The following TPT1 variants were observed in gnomAD, a reference collection of about 807,000 sequenced individuals.
TPT1 encodes translationally-controlled tumor protein.
Under a neutral mutation model 22.8 loss-of-function variants are expected in TPT1, and 5 were observed. The observed-to-expected ratio is 0.22, with a 90% CI of 0.11 to 0.46. The LOEUF is 0.46. TPT1 is among the 20% of genes least tolerant of loss of function. TPT1 has a pLI of 0.99. For synonymous variants in TPT1, 89 were observed against 73.6 expected, an observed-to-expected ratio of 1.21 and a Z score of -1.07; for missense variants, 130 against 218.7, an observed-to-expected ratio of 0.59 and a Z score of 2.56.
In TPT1 at chr13:45,336,527, T is replaced by G. The variant is rs1240382404; in HGVS notation, c.*859A>C. 6.6e-6 allele frequency: 1 copy of G among 152,196 alleles called. No individual in the cohort carries two copies. The highest frequency in any genetic ancestry group is 1.5e-5 in the Non-Finnish European group (1 of 68,048). 9.4% of individuals were successfully genotyped at this position (152,196 alleles called of 1,614,324 possible). The stretch of plus-strand genomic sequence containing the variant: ...CCTTTGCCCACCAGCCAGCCCACAT[T>G]CTGTGTACCTTCATCTTTTAAATCA... On this transcript the variant is annotated 3_prime_UTR_variant, in exon 6 of 6. Coordinates refer to ENST00000530705, the MANE Select transcript of TPT1 (RefSeq NM_003295.4).
At chr13:45,340,919 C>T in intron 1 of TPT1, 123 bp downstream of exon 1, 1 of 1,515,020 alleles carries the variant, frequency 6.6e-7, no homozygotes, top group Non-Finnish European at 8.9e-7. Context: ...CGGGCACCGA[C>T]CCCTCCGCGC....
chr13:45,338,154 C>T (rs1439094545), intron 5 of TPT1: 2 of 161,258 alleles, frequency 1.2e-5, no homozygotes, highest in African/African-American at 2.4e-5. Flanking sequence ...CAGCACCTCA[C>T]TCTGTCACCC....
At position 45,335,288 on chromosome 13, in the gene TPT1, AT is replaced by A. The variant is rs1878601215; in HGVS notation, c.*2097del. The A allele has an allele frequency of 6.6e-6, 1 of 152,218 alleles. No individual in the cohort carries two copies. Among genetic ancestry groups the A allele is most frequent in the African/African-American group, 2.4e-5 (1 of 41,450 alleles). The allele number at this position is 152,218 out of a possible 1,614,324, so 9.4% of individuals were successfully genotyped here. A position where few individuals can be genotyped will look rare whatever the true frequency, so the allele number is the denominator to read the frequency against. On this transcript the variant is annotated 3_prime_UTR_variant, in exon 6 of 6. Coordinates refer to ENST00000530705, the MANE Select transcript of TPT1 (RefSeq NM_003295.4). ...ATCACTTCTGACTTAAATAGACATG[AT>A]AAAATGCTATGTCCCAGCCTTGATT...
At position 45,336,420 on chromosome 13, in the gene TPT1, CT is replaced by C. The variant is rs1247341278; in HGVS notation, c.*965del. ...TGGAAACCATAGCAGCAGATAGCAA[CT>C]GCTCCAGGTCTGTCAAATAGATGCA... On this transcript the variant is annotated 3_prime_UTR_variant, in exon 6 of 6. Transcript: ENST00000530705. 1.3e-5 allele frequency: 2 copies of C among 152,224 alleles called. No homozygotes were observed. The highest frequency in any genetic ancestry group is 4.8e-5 in the African/African-American group (2 of 41,460). The allele number at this position is 152,224 out of a possible 1,614,324, so 9.4% of individuals were successfully genotyped here. A position where few individuals can be genotyped will look rare whatever the true frequency, so the allele number is the denominator to read the frequency against.
rs753487309 is a variant in TPT1 at position 45,334,555 on chromosome 13, T to C, written c.*2831A>G. On this transcript the variant is annotated 3_prime_UTR_variant, in exon 6 of 6. Coordinates refer to ENST00000530705, the MANE Select transcript of TPT1 (RefSeq NM_003295.4). The stretch of plus-strand genomic sequence containing the variant: ...TTTCTTCCAAACGCTCAGACCAAAA[T>C]ACTTGTATCAACATTAAATCCATCC... 24 of 152,188 alleles carry C rather than the reference T, an allele frequency of 1.6e-4. No homozygotes were observed. The highest frequency in any genetic ancestry group is 2.2e-4 in the Non-Finnish European group (15 of 68,032). 9.4% of individuals were successfully genotyped at this position (152,188 alleles called of 1,614,324 possible).
chr13:45,340,730 G>A lies in TPT1; in HGVS notation c.84C>T (p.Cys28=), dbSNP rs770931829. The A allele has an allele frequency of 2.0e-6, 3 of 1,527,790 alleles. No homozygotes were observed. The highest frequency in any genetic ancestry group is 2.2e-5 in the Admixed American group (1 of 45,240). 94.6% of individuals were successfully genotyped at this position (1,527,790 alleles called of 1,614,324 possible). A position where few individuals can be genotyped will look rare whatever the true frequency, so the allele number is the denominator to read the frequency against. Residue 28 remains cysteine (C), a synonymous_variant, in exon 2 of 6, where the codon TGC becomes TGT. Coordinates refer to ENST00000530705, the MANE Select transcript of TPT1 (RefSeq NM_003295.4). ...YKIREIADGL[C]LEVEGKMVSR... ...GACTCACCTTCCCCTCCACCTCCAGGCACAACCCGTCCGCGATCTCCCGGA... is the reference window on the plus strand; with the variant it reads ...GACTCACCTTCCCCTCCACCTCCAGACACAACCCGTCCGCGATCTCCCGGA...
At position 45,340,084 on chromosome 13, in the gene TPT1, G is replaced by C. The variant is rs1252904638; in HGVS notation, c.203C>G (p.Thr68Ser). ...EGEGTESTVI[T>S]GVDIVMNHHL... ...ATGGTTCATGACAATATCGACACCA[G>C]TGATTACTGTGCTTTCGGTACCTTC... Residue 68 changes from threonine (T) to serine (S), a missense_variant, in exon 3 of 6, where the codon ACT (threonine) becomes AGT (serine). Transcript: ENST00000530705. 1.9e-6 allele frequency: 3 copies of C among 1,614,210 alleles called. No homozygotes were observed. Among genetic ancestry groups the C allele is most frequent in the Non-Finnish European group, 1.7e-6 (2 of 1,180,034 alleles).
At chr13:45,337,802 C>T (rs980632247) in intron 5 of TPT1, among the ~76,000 whole-genome samples, 5 of 152,136 alleles carry the variant, frequency 3.3e-5, no homozygotes, top group East Asian at 1.9e-4. Flanking sequence ...TGTTTTTCTT[C>T]TTCCTTATAC....
At chr13:45,340,814 C>T (rs1879063348) in intron 1 of TPT1, 29 bp from the exon 2 acceptor site, 3 of 1,508,390 alleles carry the variant, frequency 2.0e-6, no homozygotes, top group East Asian at 4.6e-5. Context: ...CGCCCATCAC[C>T]GTGCGCCTGG....
intron 3 of TPT1, 68 bp downstream of exon 3, chr13:45,339,926 A>T: frequency 6.4e-7 from 1 of 1,559,090 alleles, no homozygotes; most frequent in South Asian, 1.2e-5. Context: ...AAAGAACCTC[A>T]AAAGTTAGCC....
At position 45,340,516 on chromosome 13, in the gene TPT1, AG is replaced by A. The variant is rs1236418345; in HGVS notation, c.102+195del. On this transcript the variant is annotated intron_variant, in intron 2 of 5. Coordinates refer to ENST00000530705, the MANE Select transcript of TPT1 (RefSeq NM_003295.4). ...TCATGTCCCGGACAACCCCGGGAGGAGGATGGGCGCCGAGGCGGCGGGCCTA... is the reference window on the plus strand; with the variant it reads ...TCATGTCCCGGACAACCCCGGGAGGAGATGGGCGCCGAGGCGGCGGGCCTA... The A allele has an allele frequency of 7.7e-6, 6 of 780,834 alleles. No individual in the cohort carries two copies. The African/African-American group carries it at 1.0e-4, about 13-fold the overall frequency. The allele number at this position is 780,834 out of a possible 1,614,324, so 48.4% of individuals were successfully genotyped here.
intron 5 of TPT1, among the ~76,000 whole-genome samples, chr13:45,338,014 C>CCACT (rs764638757): frequency 6.6e-6 from 1 of 152,138 alleles, no homozygotes; most frequent in Non-Finnish European, 1.5e-5. Flanking sequence ...AAAGTGAAAA[C>CCACT]CACTGATACT....
chr13:45,337,174 A>C lies in TPT1; in HGVS notation c.*212T>G. Reference sequence around the variant, plus strand: ...GCATTAAACTAAAAGGCATTCTCTCAAATGAGTTTAAATGCATTTTATTTT... The same window carrying C: ...GCATTAAACTAAAAGGCATTCTCTCCAATGAGTTTAAATGCATTTTATTTT... On this transcript the variant is annotated 3_prime_UTR_variant, in exon 6 of 6. Transcript: ENST00000530705. 1.6e-6 allele frequency: 1 copy of C among 608,274 alleles called. No homozygotes were observed. The highest frequency in any genetic ancestry group is 2.9e-6 in the Non-Finnish European group (1 of 342,614). 37.7% of individuals were successfully genotyped at this position (608,274 alleles called of 1,614,324 possible). A position where few individuals can be genotyped will look rare whatever the true frequency, so the allele number is the denominator to read the frequency against.
intron 4 of TPT1, 79 bp from the exon 5 acceptor site, chr13:45,338,855 G>A: frequency 3.2e-6 from 4 of 1,245,068 alleles, no homozygotes; most frequent in South Asian, 1.5e-5. Flanking sequence ...ACAGTACAAG[G>A]GAAGGTTTAG....
chr13:45,337,501 C>A lies in TPT1; in HGVS notation c.517-113G>T, dbSNP rs779305277. The A allele has an allele frequency of 1.9e-6, 3 of 1,614,032 alleles. No individual in the cohort carries two copies. The Admixed American group carries it at 5.0e-5, about 27-fold the overall frequency. Reference sequence around the variant, plus strand: ...CTAAAGATGTATTCCCCAATTCAATCTGGGCCGCCACAAAGACAGACAGAA... The same window carrying A: ...CTAAAGATGTATTCCCCAATTCAATATGGGCCGCCACAAAGACAGACAGAA... On this transcript the variant is annotated intron_variant, in intron 5 of 5. Coordinates refer to ENST00000530705, the MANE Select transcript of TPT1 (RefSeq NM_003295.4).
Position 45,337,580 on chromosome 13 carries a change from A to C in TPT1, c.517-192T>G, listed in dbSNP as rs746681115. 5.6e-6 allele frequency: 9 copies of C among 1,605,762 alleles called. No individual in the cohort carries two copies. The South Asian group carries it at 7.7e-5, about 14-fold the overall frequency. The stretch of plus-strand genomic sequence containing the variant: ...TAGTGCAAACCAAAAGAACAACAGT[A>C]AATTGTTCAAGGTCTATCAGTGGAT... On this transcript the variant is annotated intron_variant, in intron 5 of 5. Coordinates refer to ENST00000530705, the MANE Select transcript of TPT1 (RefSeq NM_003295.4).
rs1878750669 is a variant in TPT1 at position 45,337,085 on chromosome 13, T to C, written c.*301A>G. ...TCCACTGTAGAAGTTAATTGATGAG[T>C]AGTAGCCTACAATCAGGCTCTAGCT... On this transcript the variant is annotated 3_prime_UTR_variant, in exon 6 of 6. Coordinates refer to ENST00000530705, the MANE Select transcript of TPT1 (RefSeq NM_003295.4). 1 of 444,806 alleles carries C rather than the reference T, an allele frequency of 2.2e-6. No individual in the cohort carries two copies. Among genetic ancestry groups the C allele is most frequent in the East Asian group, 4.3e-5 (1 of 23,022 alleles). The allele number at this position is 444,806 out of a possible 1,614,324, so 27.6% of individuals were successfully genotyped here. A position where few individuals can be genotyped will look rare whatever the true frequency, so the allele number is the denominator to read the frequency against.
chr13:45,338,655 C>CTTG lies in TPT1; in HGVS notation c.516+4_516+5insCAA. On this transcript the variant is annotated splice_donor_region_variant and intron_variant, in intron 5 of 5. Transcript: ENST00000530705. ...ATTTATTTTAACCCACTTCCTTGTA[C>CTTG]TTACACATTTTTCCATTTCTAAACC... 6.2e-7 allele frequency: 1 copy of CTTG among 1,612,056 alleles called. No individual in the cohort carries two copies. Among genetic ancestry groups the CTTG allele is most frequent in the Non-Finnish European group, 8.5e-7 (1 of 1,179,448 alleles).
rs2234226 is a variant in TPT1 at position 45,338,616 on chromosome 13, G to A, written c.516+44C>T. On this transcript the variant is annotated intron_variant, in intron 5 of 5. Transcript: ENST00000530705. Reference sequence around the variant, plus strand: ...AACAATTGCAAATCACATCTAAAATGTCTTTTTTACATTATTTATTTTAAC... The same window carrying A: ...AACAATTGCAAATCACATCTAAAATATCTTTTTTACATTATTTATTTTAAC... 1.3e-5 allele frequency: 21 copies of A among 1,597,864 alleles called. No individual in the cohort carries two copies. The African/African-American group carries it at 1.4e-4, about 10-fold the overall frequency.
Sources: gnomAD v4.1 joint callset for allele counts (sites outside exome capture counted in the v4.1 genomes callset) on GRCh38, gnomAD v4.1.1 for gene constraint, MANE v1.5 for transcripts, NCBI Gene and HGNC (gene_info 2026-07-23, HGNC 2026-07-21) for gene names.